Variants in AGTPBP1 observed in about 807,000 individuals in gnomAD.
AGTPBP1 encodes cytosolic carboxypeptidase 1.
In AGTPBP1, 70 loss-of-function variants were observed where a neutral mutation model predicts 143.9. The observed-to-expected ratio is 0.49, with a 90% CI of 0.40 to 0.59. The LOEUF is 0.59. AGTPBP1 is among the 20% of genes least tolerant of loss of function. The pLI is 0.00. For missense variants in AGTPBP1, 1,229 were observed against 1,464.5 expected, an observed-to-expected ratio of 0.84 and a Z score of 2.62; for synonymous variants, 463 against 500.2, an observed-to-expected ratio of 0.93 and a Z score of 0.99.
At chr9:85,617,259 G>C (rs1830650239) in intron 17 of AGTPBP1, among the ~76,000 whole-genome samples, 1 of 152,090 alleles carries the variant, frequency 6.6e-6, no homozygotes, top group South Asian at 2.1e-4. Flanking sequence ...AGCATTTCAT[G>C]TCTCAGTTGT....
At chr9:85,717,676 CTTT>C (rs775415618) in intron 1 of AGTPBP1, among the ~76,000 whole-genome samples, 2 of 135,586 alleles carry the variant, frequency 1.5e-5, no homozygotes, top group Admixed American at 7.4e-5. Context: ...GATGAGTATC[CTTT>C]TTTTTTTTTT....
At chr9:85,750,698 C>T in the AGTPBP1 span, among the ~76,000 whole-genome samples, 1 of 152,266 alleles carries the variant, frequency 6.6e-6, no homozygotes, top group East Asian at 1.9e-4. Context: ...GGAAATTGTT[C>T]TCCCTTGTCC....
chr9:85,741,629 A>G (rs1824288722), intron 1 of AGTPBP1, 146 bp downstream of exon 1: 1 of 1,241,370 alleles, frequency 8.1e-7, no homozygotes, highest in Non-Finnish European at 1.0e-6. Context: ...CATGTGTAAC[A>G]TGCGTTACAC....
intron 19 of AGTPBP1, among the ~76,000 whole-genome samples, chr9:85,590,520 C>T (rs1159681791): frequency 6.6e-6 from 1 of 152,068 alleles, no homozygotes; most frequent in Non-Finnish European, 1.5e-5. Flanking sequence ...CAAACTTTTG[C>T]CTATGTTCTT....
At chr9:85,762,563 T>C in the AGTPBP1 span, among the ~76,000 whole-genome samples, 5 of 143,500 alleles carry the variant, frequency 3.5e-5, no homozygotes, top group African/African-American at 1.1e-4. Context: ...TAGGTGCGAA[T>C]TGAACAATGC....
chr9:85,774,033 A>T, the AGTPBP1 span: 1 of 1,583,458 alleles, frequency 6.3e-7, no homozygotes, highest in Non-Finnish European at 8.7e-7. Context: ...ACATCATTTC[A>T]AAGGTAACTT....
intron 23 of AGTPBP1, among the ~76,000 whole-genome samples, chr9:85,580,156 T>G (rs931189460): frequency 6.6e-6 from 1 of 150,774 alleles, no homozygotes; most frequent in Non-Finnish European, 1.5e-5. Flanking sequence ...GAGAATCGCC[T>G]GAACCCAGGA....
At chr9:85,688,499 C>G (rs2134228012) in intron 3 of AGTPBP1, among the ~76,000 whole-genome samples, 1 of 152,174 alleles carries the variant, frequency 6.6e-6, no homozygotes, top group South Asian at 2.1e-4. Context: ...TGGTTGAGAA[C>G]TAATAAGCTG....
intron 1 of AGTPBP1, among the ~76,000 whole-genome samples, chr9:85,740,400 C>G (rs936509060): frequency 6.6e-6 from 1 of 152,146 alleles, no homozygotes; most frequent in Admixed American, 6.5e-5. Flanking sequence ...TAGAACTCTG[C>G]CTGCATGATG....
chr9:85,598,427 C>A (rs10122240), intron 17 of AGTPBP1, among the ~76,000 whole-genome samples: 40,103 of 152,068 alleles, frequency 0.26, 7,540 homozygotes, highest in East Asian at 0.53. Flanking sequence ...GTGAATCAAA[C>A]AATCAATCTT....
rs533325904 is a variant in AGTPBP1, at chr9:85,701,219, T to C, written c.33-8406A>G. 2.6e-5 allele frequency among the ~76,000 whole-genome samples: 4 copies of C among 151,374 alleles called. No homozygotes were observed. In the East Asian group the frequency reaches 7.8e-4, roughly 30 times the overall value. On this transcript the variant is annotated intron_variant, in intron 2 of 25. Transcript: ENST00000357081. ...GAGCCACCACACCTGGCCTTTTTTT[T>C]TTTATTTTTATTTTTTAATTTTTTT...
At chr9:85,741,661 A>C (rs1438627808) in intron 1 of AGTPBP1, 114 bp downstream of exon 1, 5 of 1,251,204 alleles carry the variant, frequency 4.0e-6, no homozygotes. Context: ...TAAGGGGCGC[A>C]GGGATCCGGG....
chr9:85,691,534 A>AGGGG (rs202107318), intron 3 of AGTPBP1, among the ~76,000 whole-genome samples: 1 of 131,344 alleles, frequency 7.6e-6, no homozygotes, highest in African/African-American at 3.4e-5. Context: ...AAAAAAAAAG[A>AGGGG]GGGTGTGTGT....
intron 25 of AGTPBP1, among the ~76,000 whole-genome samples, chr9:85,548,686 TG>T (rs200398333): frequency 3.6e-4 from 53 of 148,780 alleles, no homozygotes; most frequent in African/African-American, 8.7e-4. Context: ...TTTTTGTTTT[TG>T]TTTTTTGAGA....
At chr9:85,741,468 G>A (rs1314308193) in intron 1 of AGTPBP1, 1 of 985,198 alleles carries the variant, frequency 1.0e-6, no homozygotes, top group Non-Finnish European at 1.2e-6. Flanking sequence ...GGCGGCCTCC[G>A]CCCAGAGACC....
chr9:85,730,648 G>A (rs1334918692), intron 1 of AGTPBP1, among the ~76,000 whole-genome samples: 3 of 152,190 alleles, frequency 2.0e-5, no homozygotes, highest in South Asian at 2.1e-4. Context: ...CACTAGTGCT[G>A]TACCATAGCT....
At chr9:85,711,397 T>C (rs1425217463) in intron 2 of AGTPBP1, among the ~76,000 whole-genome samples, 1 of 152,064 alleles carries the variant, frequency 6.6e-6, no homozygotes, top group Non-Finnish European at 1.5e-5. Flanking sequence ...GATGATACAG[T>C]GTGCTTTAAC....
At chr9:85,576,056 A>C (rs1306075224) in intron 24 of AGTPBP1, among the ~76,000 whole-genome samples, 2 of 152,192 alleles carry the variant, frequency 1.3e-5, no homozygotes, top group African/African-American at 2.4e-5. Context: ...CTCATTTCAA[A>C]TTTTGTCTAC....
intron 17 of AGTPBP1, among the ~76,000 whole-genome samples, chr9:85,601,229 A>C (rs1019064613): frequency 1.1e-4 from 17 of 152,190 alleles, no homozygotes; most frequent in Admixed American, 1.1e-3. Context: ...CCCTGGGGGC[A>C]GGCAGACTTC....
Sources: allele counts gnomAD v4.1 joint callset (sites outside exome capture counted in the v4.1 genomes callset), GRCh38; gene constraint gnomAD v4.1.1; transcripts MANE v1.5; gene names NCBI Gene and HGNC (gene_info 2026-07-23, HGNC 2026-07-21).